RELN: variants seen among roughly 807,000 people sequenced by gnomAD.
The protein encoded by RELN is reelin.
Under a neutral mutation model 427.6 loss-of-function variants are expected in RELN, and 108 were observed. The observed-to-expected ratio is 0.25, with a 90% CI of 0.22 to 0.30. The LOEUF (loss-of-function observed/expected upper bound fraction) is 0.30, where lower values mean the gene tolerates loss of function less well. Ranked by LOEUF, RELN falls within the 10% of genes least tolerant of loss-of-function variation. The pLI is 1.00. For missense variants in RELN, 3,715 were observed against 4,302.8 expected, an observed-to-expected ratio of 0.86 and a Z score of 3.82; for synonymous variants, 1,524 against 1,513.4, an observed-to-expected ratio of 1.01 and a Z score of -0.16.
intron 61 of RELN, among the ~76,000 whole-genome samples, chr7:103,485,817 A>G (rs903198925): frequency 2.6e-5 from 4 of 152,238 alleles, no homozygotes; most frequent in Non-Finnish European, 4.4e-5. Flanking sequence ...ATATAGGCAT[A>G]TGTTTGCATT....
chr7:103,576,247 C>T (rs1047446823), intron 28 of RELN, among the ~76,000 whole-genome samples: 4 of 152,110 alleles, frequency 2.6e-5, no homozygotes, highest in African/African-American at 7.2e-5. Context: ...AAAAAAAATT[C>T]TCGTGCTTCA....
intron 11 of RELN, among the ~76,000 whole-genome samples, chr7:103,663,171 C>T (rs956550752): frequency 7.9e-5 from 12 of 152,194 alleles, no homozygotes; most frequent in Admixed American, 7.2e-4. Flanking sequence ...AGCCCCACCA[C>T]TCCATCTCAG....
Position 103,551,061 on chromosome 7 carries a change from C to G in RELN, c.6302+6G>C. 1.2e-6 allele frequency: 2 copies of G among 1,609,510 alleles called. No homozygotes were observed. Among genetic ancestry groups the G allele is most frequent in the Non-Finnish European group, 1.7e-6 (2 of 1,177,380 alleles). On this transcript the variant is annotated splice_donor_region_variant and intron_variant, in intron 41 of 64. Transcript: ENST00000428762. ...ACAAATGTGGCGTCAAGCAGCGGGT[C>G]CTTACCCACAAAGGTGCAGCTTCCC...
intron 30 of RELN, among the ~76,000 whole-genome samples, chr7:103,572,990 G>A (rs1245585905): frequency 2.0e-5 from 3 of 151,746 alleles, no homozygotes; most frequent in South Asian, 2.1e-4. Flanking sequence ...CCAGGCTGGA[G>A]TGCAGTGGCG....
chr7:103,912,041 G>C (rs1795379597), intron 2 of RELN, among the ~76,000 whole-genome samples: 1 of 152,060 alleles, frequency 6.6e-6, no homozygotes, highest in South Asian at 2.1e-4. Context: ...TTTAAAGATA[G>C]TGTTGAAAAT....
chr7:103,503,346 C>G (rs1163239354), intron 51 of RELN, 116 bp from the exon 52 acceptor site: 1 of 830,636 alleles, frequency 1.2e-6, no homozygotes, highest in Non-Finnish European at 2.0e-6. Context: ...CACATCCATC[C>G]TGTATTTTCA....
chr7:103,666,572 A>G (rs2115592902), intron 11 of RELN, among the ~76,000 whole-genome samples: 1 of 152,332 alleles, frequency 6.6e-6, no homozygotes, highest in Non-Finnish European at 1.5e-5. Flanking sequence ...CACACAGATC[A>G]TAATTCTTGT....
rs1200154660 is a variant in RELN, at chr7:103,535,429, C to T, written c.7236G>A (p.Arg2412=). The change falls in exon 46 of 65, where the codon AGG becomes AGA. Residue 2412 remains arginine, a synonymous_variant. Transcript: ENST00000428762. The part of the protein sequence containing the change: ...DLGLSWHPLV[R]DCLPTNVECS... ...ATTCCACATTGGTAGGCAGACAGTC[C>T]CTTACCAATGGGTGCCATGACAATC... 1 of 1,613,822 alleles carries T rather than the reference C, an allele frequency of 6.2e-7. No homozygotes were observed. The highest frequency in any genetic ancestry group is 8.5e-7 in the Non-Finnish European group (1 of 1,179,760).
At chr7:103,663,718 C>T (rs1043326084) in intron 11 of RELN, among the ~76,000 whole-genome samples, 2 of 152,134 alleles carry the variant, frequency 1.3e-5, no homozygotes, top group African/African-American at 4.8e-5. Context: ...CCTCCTCTTC[C>T]CCTTAGATAT....
At chr7:103,494,432 T>C (rs1223199126) in intron 57 of RELN, among the ~76,000 whole-genome samples, 1 of 150,402 alleles carries the variant, frequency 6.6e-6, no homozygotes, top group Admixed American at 6.7e-5. Flanking sequence ...TGGAGTGCAG[T>C]AGTGGGATCA....
At chr7:103,821,848 A>G (rs1793023300) in intron 3 of RELN, among the ~76,000 whole-genome samples, 1 of 152,154 alleles carries the variant, frequency 6.6e-6, no homozygotes, top group African/African-American at 2.4e-5. Context: ...TGCTCTTTGA[A>G]ATATATGTCA....
chr7:103,789,417 G>A (rs1054354905), intron 3 of RELN, among the ~76,000 whole-genome samples: 2 of 152,054 alleles, frequency 1.3e-5, no homozygotes, highest in African/African-American at 2.4e-5. Context: ...TACAGAATGG[G>A]AGAAAATTTC....
intron 9 of RELN, 118 bp downstream of exon 9, chr7:103,700,792 T>A (rs1012634724): frequency 1.4e-6 from 1 of 739,452 alleles, no homozygotes; most frequent in Admixed American, 1.9e-5. Context: ...TTCAACATAA[T>A]TAACAACCAG....
At chr7:103,842,393 T>C (rs933644201) in intron 2 of RELN, among the ~76,000 whole-genome samples, 2 of 152,212 alleles carry the variant, frequency 1.3e-5, no homozygotes, top group African/African-American at 4.8e-5. Flanking sequence ...TATGAATAAC[T>C]GTCTACTTAC....
intron 2 of RELN, among the ~76,000 whole-genome samples, chr7:103,869,553 T>G (rs986469039): frequency 2.6e-5 from 4 of 152,110 alleles, no homozygotes; most frequent in Non-Finnish European, 4.4e-5. Flanking sequence ...GGGCTTACAG[T>G]TTTATTTTTC....
intron 1 of RELN, among the ~76,000 whole-genome samples, chr7:103,917,715 AC>A (rs1229059345): frequency 2.6e-5 from 4 of 152,134 alleles, no homozygotes; most frequent in African/African-American, 9.7e-5. Context: ...AGACAGCCAG[AC>A]TTTTTCCTCT....
chr7:103,652,954 A>G (rs150019006), intron 13 of RELN, among the ~76,000 whole-genome samples, 195 bp from the exon 14 acceptor site: 95 of 152,138 alleles, frequency 6.2e-4, no homozygotes, highest in African/African-American at 2.2e-3. Context: ...AGTGACTCAG[A>G]ATTCTTCCTG....
intron 2 of RELN, among the ~76,000 whole-genome samples, chr7:103,878,909 C>A (rs2116553323): frequency 6.6e-6 from 1 of 152,278 alleles, no homozygotes; most frequent in South Asian, 2.1e-4. Context: ...GAGTTTGGTT[C>A]TACTCTTGGT....
At chr7:103,847,772 A>G (rs1268121811) in intron 2 of RELN, among the ~76,000 whole-genome samples, 1 of 152,106 alleles carries the variant, frequency 6.6e-6, no homozygotes, top group Non-Finnish European at 1.5e-5. Flanking sequence ...ATATCTCTAA[A>G]GCCTCCTCTT....
Sources: allele counts gnomAD v4.1 joint callset (sites outside exome capture counted in the v4.1 genomes callset), GRCh38; gene constraint gnomAD v4.1.1; transcripts MANE v1.5; gene names NCBI Gene and HGNC (gene_info 2026-07-23, HGNC 2026-07-21).